Variants in PHYHIPL observed in about 807,000 individuals in gnomAD.
PHYHIPL encodes the protein phytanoyl-CoA 2-hydroxylase interacting protein like, also known as phytanoyl-CoA hydroxylase-interacting protein-like.
A neutral mutation model predicts 33.4 loss-of-function variants in PHYHIPL; 9 were observed. That is an observed-to-expected ratio of 0.27 (90% confidence interval 0.16 to 0.47). PHYHIPL has a LOEUF of 0.47. Among genes scored for constraint, PHYHIPL ranks in the 20% least tolerant of loss-of-function variants. PHYHIPL has a pLI of 0.99. For missense variants in PHYHIPL, 365 were observed against 460.7 expected, an observed-to-expected ratio of 0.79 and a Z score of 1.90; for synonymous variants, 153 against 154.1, an observed-to-expected ratio of 0.99 and a Z score of 0.05.
Position 59,205,778 on chromosome 10 carries a change from A to G in PHYHIPL, c.107-28526A>G, listed in dbSNP as rs537309144. The stretch of plus-strand genomic sequence containing the variant: ...TTTTCAGGCAGAAAAAGGCAGAAAA[A>G]GCTTGACTTCTGGGGTGGCAGCAAC... On this transcript the variant is annotated intron_variant, in intron 1 of 4. Coordinates refer to ENST00000373880, the MANE Select transcript of PHYHIPL (RefSeq NM_032439.4). Among the ~76,000 whole-genome samples, 723 of 152,286 alleles carry G rather than the reference A, an allele frequency of 4.7e-3. 4 individuals carry two copies. The highest frequency in any genetic ancestry group is 0.017 in the African/African-American group (698 of 41,568).
At chr10:59,230,752 A>G (rs1840054809) in intron 1 of PHYHIPL, among the ~76,000 whole-genome samples, 1 of 152,136 alleles carries the variant, frequency 6.6e-6, no homozygotes, top group Non-Finnish European at 1.5e-5. Context: ...CATTTTATGG[A>G]GACATAATTC....
At chr10:59,222,682 G>T (rs1839811026) in intron 1 of PHYHIPL, among the ~76,000 whole-genome samples, 2 of 151,402 alleles carry the variant, frequency 1.3e-5, no homozygotes, top group Non-Finnish European at 2.9e-5. Context: ...AAAAATACTT[G>T]AATATATCTG....
At chr10:59,209,263 A>G (rs932237994) in intron 1 of PHYHIPL, among the ~76,000 whole-genome samples, 2 of 152,202 alleles carry the variant, frequency 1.3e-5, no homozygotes, top group Non-Finnish European at 2.9e-5. Flanking sequence ...AAGAGAGTGG[A>G]GGCCAATATT....
At chr10:59,208,289 G>T (rs760114050) in intron 1 of PHYHIPL, among the ~76,000 whole-genome samples, 3 of 152,196 alleles carry the variant, frequency 2.0e-5, no homozygotes, top group Non-Finnish European at 4.4e-5. Context: ...ACAGGATCTG[G>T]AGTGGACCTC....
chr10:59,179,558 G>A (rs1225367725), intron 1 of PHYHIPL, among the ~76,000 whole-genome samples: 1 of 152,060 alleles, frequency 6.6e-6, no homozygotes, highest in Non-Finnish European at 1.5e-5. Flanking sequence ...GTATAGTTAT[G>A]TTCTCCAATC....
chr10:59,245,246 C>CAATA lies in PHYHIPL; in HGVS notation c.787_790dup (p.Thr264LysfsTer3). 6.2e-7 allele frequency: 1 copy of CAATA among 1,614,098 alleles called. No homozygotes were observed. Among genetic ancestry groups the CAATA allele is most frequent in the Non-Finnish European group, 8.5e-7 (1 of 1,180,002 alleles). On this transcript the variant is annotated frameshift_variant, in exon 5 of 5. Transcript: ENST00000373880. LOFTEE classifies it high-confidence loss of function. ...TTGCCGCAGAAAAACTTTTTAACCC[C>CAATA]AATACTAACTTATACTTTGGGGACT...
chr10:59,224,149 A>C (rs571828050), intron 1 of PHYHIPL, among the ~76,000 whole-genome samples: 4 of 152,326 alleles, frequency 2.6e-5, no homozygotes, highest in African/African-American at 9.6e-5. Context: ...ATATTGTGTT[A>C]TACGGGTGAA....
At position 59,238,679 on chromosome 10, in the gene PHYHIPL, G is replaced by A. The variant is rs1840300848; in HGVS notation, c.570G>A (p.Gln190=). 6.3e-7 allele frequency: 1 copy of A among 1,592,662 alleles called. No individual in the cohort carries two copies. Among genetic ancestry groups the A allele is most frequent in the Non-Finnish European group, 8.6e-7 (1 of 1,161,208 alleles). The change falls in exon 4 of 5, where the codon CAG becomes CAA. Residue 190 remains glutamine (Q), a synonymous_variant. Coordinates refer to ENST00000373880, the MANE Select transcript of PHYHIPL (RefSeq NM_032439.4). ...AGTTTTCTGTTTTTTATCGTAATCAGCACAAAGAATATTTTGACTATGTTC... is the reference window on the plus strand; with the variant it reads ...AGTTTTCTGTTTTTTATCGTAATCAACACAAAGAATATTTTGACTATGTTC... The part of the protein sequence containing the change: ...MLKFSVFYRN[Q]HKEYFDYVRE...
chr10:59,241,117 C>A (rs1840382879), intron 4 of PHYHIPL, among the ~76,000 whole-genome samples: 1 of 151,922 alleles, frequency 6.6e-6, no homozygotes, highest in Non-Finnish European at 1.5e-5. Context: ...TTCAACATTG[C>A]TTTTTTAAGA....
At chr10:59,232,543 A>T (rs778262260) in intron 1 of PHYHIPL, among the ~76,000 whole-genome samples, 1 of 152,006 alleles carries the variant, frequency 6.6e-6, no homozygotes, top group African/African-American at 2.4e-5. Flanking sequence ...GTTGAAGAAG[A>T]TAACGATAGT....
chr10:59,206,077 T>G (rs1351005328), intron 1 of PHYHIPL, among the ~76,000 whole-genome samples: 1 of 152,206 alleles, frequency 6.6e-6, no homozygotes, highest in Non-Finnish European at 1.5e-5. Flanking sequence ...CCTTCTTATA[T>G]CTATCTCTAG....
chr10:59,181,698 A>G lies in PHYHIPL; in HGVS notation c.106+4739A>G, dbSNP rs949068150. ...TATGACTATAGAGATATTAGTGAGTATGAAACAAAACAAAAATAAAATAAA... is the reference window on the plus strand; with the variant it reads ...TATGACTATAGAGATATTAGTGAGTGTGAAACAAAACAAAAATAAAATAAA... On this transcript the variant is annotated intron_variant, in intron 1 of 4. Coordinates refer to ENST00000373880, the MANE Select transcript of PHYHIPL (RefSeq NM_032439.4). Among the ~76,000 whole-genome samples the G allele has an allele frequency of 2.0e-5, 3 of 152,242 alleles. No individual in the cohort carries two copies. In the East Asian group the frequency reaches 5.8e-4, roughly 29 times the overall value.
At chr10:59,241,390 A>G (rs1029427874) in intron 4 of PHYHIPL, among the ~76,000 whole-genome samples, 1 of 152,154 alleles carries the variant, frequency 6.6e-6, no homozygotes, top group Non-Finnish European at 1.5e-5. Flanking sequence ...TCTAGAAATG[A>G]ATTCCTAAAT....
At chr10:59,184,488 G>C (rs1045314762) in intron 1 of PHYHIPL, among the ~76,000 whole-genome samples, 4 of 152,134 alleles carry the variant, frequency 2.6e-5, no homozygotes, top group Admixed American at 2.0e-4. Context: ...AGGGTTTTGC[G>C]ATTAGGCGAG....
chr10:59,243,934 G>C (rs1053819131), intron 4 of PHYHIPL, among the ~76,000 whole-genome samples: 1 of 152,144 alleles, frequency 6.6e-6, no homozygotes, highest in Non-Finnish European at 1.5e-5. Flanking sequence ...GGGAATGAAA[G>C]GGAATAGGAA....
At chr10:59,216,976 TCTAA>T (rs767655733) in intron 1 of PHYHIPL, among the ~76,000 whole-genome samples, 5 of 152,118 alleles carry the variant, frequency 3.3e-5, no homozygotes, top group African/African-American at 1.2e-4. Flanking sequence ...CAGTCATACT[TCTAA>T]CTATCTGAGA....
chr10:59,220,132 G>A (rs1203220370), intron 1 of PHYHIPL, among the ~76,000 whole-genome samples: 1 of 152,002 alleles, frequency 6.6e-6, no homozygotes, highest in African/African-American at 2.4e-5. Context: ...GGGTGTCTTT[G>A]TTGAGGATTT....
chr10:59,194,520 C>T (rs1208563285), intron 1 of PHYHIPL, among the ~76,000 whole-genome samples: 1 of 152,050 alleles, frequency 6.6e-6, no homozygotes, highest in Non-Finnish European at 1.5e-5. Flanking sequence ...TATTTATTTT[C>T]ATTGCACTGT....
intron 1 of PHYHIPL, among the ~76,000 whole-genome samples, chr10:59,214,434 T>C (rs1839551207): frequency 6.6e-6 from 1 of 152,110 alleles, no homozygotes; most frequent in Non-Finnish European, 1.5e-5. Flanking sequence ...TGTACATCCC[T>C]AGTGACATGT....
Sources: gnomAD v4.1 joint callset for allele counts (sites outside exome capture counted in the v4.1 genomes callset) on GRCh38, gnomAD v4.1.1 for gene constraint, MANE v1.5 for transcripts, NCBI Gene and HGNC (gene_info 2026-07-23, HGNC 2026-07-21) for gene names.